The following HPGDS variants were observed in gnomAD, a reference collection of about 807,000 sequenced individuals.
The protein encoded by HPGDS is hematopoietic prostaglandin D synthase, also known as GST class-sigma.
Under a neutral mutation model 23.1 loss-of-function variants are expected in HPGDS, and 26 were observed. The observed-to-expected ratio is 1.13, with a 90% CI of 0.83 to 1.56. The LOEUF (loss-of-function observed/expected upper bound fraction) is 1.56. Ranked by LOEUF, HPGDS falls within the 40% of genes most tolerant of loss-of-function variation. The pLI is 0.00. For synonymous variants in HPGDS, 95 were observed against 77.9 expected (o/e 1.22, Z -1.16); for missense variants, 268 against 236.4 (o/e 1.13, Z -0.88).
intron 3 of HPGDS, among the ~76,000 whole-genome samples, chr4:94,312,541 G>A (rs1405571768): frequency 1.3e-5 from 2 of 152,196 alleles, no homozygotes; most frequent in Non-Finnish European, 1.5e-5. Context: ...CATTTGCTGA[G>A]GAGTGCTTTA....
chr4:94,312,130 CT>C (rs1233240247), intron 3 of HPGDS, among the ~76,000 whole-genome samples: 5 of 152,054 alleles, frequency 3.3e-5, no homozygotes, highest in African/African-American at 1.2e-4. Flanking sequence ...TTTTGTGTCT[CT>C]ATCTCCTTCA....
chr4:94,317,481 A>G (rs1204902768), intron 3 of HPGDS, among the ~76,000 whole-genome samples: 1 of 152,144 alleles, frequency 6.6e-6, no homozygotes, highest in African/African-American at 2.4e-5. Context: ...TACTGAGTAT[A>G]TAATTTTAAG....
chr4:94,334,837 CTT>C (rs758328997), intron 1 of HPGDS, among the ~76,000 whole-genome samples, 199 bp from the exon 2 acceptor site: 114 of 152,288 alleles, frequency 7.5e-4, no homozygotes, highest in Non-Finnish European at 1.3e-3. Context: ...ATGACTCTCT[CTT>C]GGCACTACTT....
intron 2 of HPGDS, among the ~76,000 whole-genome samples, chr4:94,326,426 T>C (rs1222674303): frequency 6.6e-6 from 1 of 152,194 alleles, no homozygotes; most frequent in Non-Finnish European, 1.5e-5. Context: ...TTTTTTTCTT[T>C]GGTCTGACTG....
intron 2 of HPGDS, among the ~76,000 whole-genome samples, chr4:94,322,815 T>C (rs186013766): frequency 9.2e-5 from 14 of 152,320 alleles, no homozygotes; most frequent in African/African-American, 2.9e-4. Flanking sequence ...CTTTTGAATG[T>C]GTTTGCTCTT....
chr4:94,341,792 G>T (rs1046756005), intron 1 of HPGDS, among the ~76,000 whole-genome samples: 1 of 152,122 alleles, frequency 6.6e-6, no homozygotes, highest in Non-Finnish European at 1.5e-5. Flanking sequence ...AAATGTAATG[G>T]CCTAGAGCAT....
intron 5 of HPGDS, among the ~76,000 whole-genome samples, 162 bp downstream of exon 5, chr4:94,301,984 A>T (rs1756048846): frequency 6.6e-6 from 1 of 152,144 alleles, no homozygotes; most frequent in South Asian, 2.1e-4. Flanking sequence ...TTCCAAAGTC[A>T]AATCTATTTT....
intron 3 of HPGDS, among the ~76,000 whole-genome samples, chr4:94,316,490 A>G (rs1756401451): frequency 1.3e-5 from 1 of 78,602 alleles, no homozygotes; most frequent in South Asian, 3.7e-4. Context: ...AACCACAATA[A>G]TCTTCCCAAA....
intron 4 of HPGDS, among the ~76,000 whole-genome samples, chr4:94,307,618 A>G (rs1430316803): frequency 6.6e-6 from 1 of 152,176 alleles, no homozygotes; most frequent in Non-Finnish European, 1.5e-5. Context: ...AGCTGTGCAG[A>G]AAACCTGGAG....
At chr4:94,340,260 C>CCTTTCTTT (rs201837103) in intron 1 of HPGDS, among the ~76,000 whole-genome samples, 1,199 of 81,438 alleles carry the variant, frequency 0.015, 53 homozygotes, top group East Asian at 0.046. Context: ...CTGGTCTAAA[C>CCTTTCTTT]CTTTCTTTCT....
intron 2 of HPGDS, among the ~76,000 whole-genome samples, chr4:94,322,423 A>G (rs1756533246): frequency 6.6e-6 from 1 of 152,194 alleles, no homozygotes; most frequent in Non-Finnish European, 1.5e-5. Context: ...GCTATTAATT[A>G]TTGCCTCAAT....
intron 2 of HPGDS, among the ~76,000 whole-genome samples, chr4:94,319,787 G>A (rs989504438): frequency 1.3e-5 from 2 of 152,098 alleles, no homozygotes; most frequent in African/African-American, 2.4e-5. Flanking sequence ...TATACTTTAA[G>A]TTCTAGGGTA....
chr4:94,322,006 C>A (rs369862838), intron 2 of HPGDS, among the ~76,000 whole-genome samples: 1 of 152,142 alleles, frequency 6.6e-6, no homozygotes, highest in East Asian at 1.9e-4. Flanking sequence ...GCCTTTTCTG[C>A]ATCTATTGAG....
intron 2 of HPGDS, among the ~76,000 whole-genome samples, chr4:94,320,041 T>G (rs1579439168): frequency 6.6e-6 from 1 of 152,194 alleles, no homozygotes; most frequent in African/African-American, 2.4e-5. Context: ...GATAGTTTGC[T>G]CAGAATGATG....
intron 4 of HPGDS, 45 bp downstream of exon 4, chr4:94,308,589 G>A (rs370370657): frequency 2.1e-6 from 2 of 941,454 alleles, no homozygotes; most frequent in Non-Finnish European, 3.4e-6. Context: ...ATGTCTGGCA[G>A]GTGGTATATA....
chr4:94,308,861 G>C (rs1756195836), intron 3 of HPGDS, 118 bp from the exon 4 acceptor site: 3 of 510,180 alleles, frequency 5.9e-6, no homozygotes, highest in Non-Finnish European at 1.0e-5. Context: ...AATATCCAGT[G>C]AAGACTAGCT....
intron 2 of HPGDS, among the ~76,000 whole-genome samples, chr4:94,327,717 TG>T: frequency 6.6e-6 from 1 of 152,284 alleles, no homozygotes; most frequent in African/African-American, 2.4e-5. Flanking sequence ...GCAGCCTGTC[TG>T]GTATGCTACA....
intron 1 of HPGDS, among the ~76,000 whole-genome samples, chr4:94,336,141 G>A (rs1004963557): frequency 6.6e-6 from 1 of 151,356 alleles, no homozygotes; most frequent in Admixed American, 6.6e-5. Context: ...CAGAGGTGGA[G>A]GTTGCAGTGA....
chr4:94,318,521 A>G (rs1414702397), intron 2 of HPGDS, among the ~76,000 whole-genome samples: 1 of 152,096 alleles, frequency 6.6e-6, no homozygotes, highest in Non-Finnish European at 1.5e-5. Context: ...TAATTTCCAT[A>G]TATTTGTATA....
Sources: gnomAD v4.1 joint callset for allele counts (sites outside exome capture counted in the v4.1 genomes callset) on GRCh38, gnomAD v4.1.1 for gene constraint, MANE v1.5 for transcripts, NCBI Gene and HGNC (gene_info 2026-07-23, HGNC 2026-07-21) for gene names.